Variants in USP49 observed in about 807,000 individuals in gnomAD.
The protein encoded by USP49 is ubiquitin specific peptidase 49.
USP49 carries 24 observed loss-of-function variants against 58.6 expected under a neutral mutation model. That is an observed-to-expected ratio of 0.41 (90% confidence interval 0.30 to 0.58). The LOEUF is 0.58. USP49 is among the 20% of genes least tolerant of loss of function. The probability of loss-of-function intolerance (pLI) is 0.30; values close to 1 mark genes in which losing one functional copy is unlikely to be tolerated. For synonymous variants in USP49, 408 were observed against 365.1 expected, an observed-to-expected ratio of 1.12 and a Z score of -1.34; for missense variants, 703 against 866.1, an observed-to-expected ratio of 0.81 and a Z score of 2.36.
intron 3 of USP49, among the ~76,000 whole-genome samples, chr6:41,808,216 ATAT>A (rs886504408): frequency 6.6e-6 from 1 of 152,138 alleles, no homozygotes; most frequent in Non-Finnish European, 1.5e-5. Context: ...TACTGGTATA[ATAT>A]TTAACCAAAC....
At chr6:41,847,122 T>C (rs531141493) in intron 3 of USP49, among the ~76,000 whole-genome samples, 3 of 152,270 alleles carry the variant, frequency 2.0e-5, no homozygotes, top group Middle Eastern at 3.4e-3. Context: ...CAAGAGATTA[T>C]AAGGCATACA....
chr6:41,821,475 G>C (rs989074993), intron 3 of USP49, among the ~76,000 whole-genome samples: 3 of 152,092 alleles, frequency 2.0e-5, no homozygotes, highest in African/African-American at 4.8e-5. Flanking sequence ...CCCTTTACTG[G>C]GAAAGAAAAG....
chr6:41,816,318 A>G (rs1581999679), intron 3 of USP49, among the ~76,000 whole-genome samples: 1 of 152,190 alleles, frequency 6.6e-6, no homozygotes, highest in East Asian at 1.9e-4. Flanking sequence ...TGTTTTCTCA[A>G]AGGTCACTAG....
intron 7 of USP49, 81 bp downstream of exon 7, chr6:41,798,643 G>A: frequency 1.9e-6 from 3 of 1,607,812 alleles, no homozygotes; most frequent in Non-Finnish European, 2.6e-6. Flanking sequence ...TCCATGGGAT[G>A]GAAATAAAAG....
At chr6:41,828,825 T>TTTTTTTTTTTTTTTGAGACGGAG (rs1561911179) in intron 3 of USP49, among the ~76,000 whole-genome samples, 1 of 151,906 alleles carries the variant, frequency 6.6e-6, no homozygotes. Flanking sequence ...AAGTTTGAAG[T>TTTTTTTTTTTTTTTGAGACGGAG]TTACACTTAG....
At chr6:41,861,365 CCCA>C (rs1422288249) in intron 3 of USP49, among the ~76,000 whole-genome samples, 1 of 151,686 alleles carries the variant, frequency 6.6e-6, no homozygotes, top group Non-Finnish European at 1.5e-5. Context: ...ATCGCTCGAA[CCCA>C]GGAGGCAGAG....
At chr6:41,894,823 G>C (rs1428304190) in intron 1 of USP49, among the ~76,000 whole-genome samples, 5 of 151,848 alleles carry the variant, frequency 3.3e-5, no homozygotes, top group African/African-American at 4.8e-5. Flanking sequence ...TATCTCCTTG[G>C]CTGGCTTTTT....
intron 2 of USP49, among the ~76,000 whole-genome samples, chr6:41,875,631 T>C (rs1327294535): frequency 6.6e-6 from 1 of 152,190 alleles, no homozygotes; most frequent in Non-Finnish European, 1.5e-5. Flanking sequence ...TATTTTCCAC[T>C]ACCCATCCAC....
At chr6:41,829,992 T>C (rs779015788) in intron 3 of USP49, among the ~76,000 whole-genome samples, 2 of 152,258 alleles carry the variant, frequency 1.3e-5, no homozygotes, top group Non-Finnish European at 2.9e-5. Flanking sequence ...TATTTTCTGA[T>C]ATGAAACCAT....
intron 2 of USP49, among the ~76,000 whole-genome samples, chr6:41,889,012 T>G (rs998496203): frequency 2.0e-4 from 31 of 152,078 alleles, no homozygotes; most frequent in Non-Finnish European, 3.1e-4. Context: ...GCAAACTTAT[T>G]TGTATTAATC....
In USP49 at chr6:41,791,572, G is replaced by C. The variant is rs1193559274; in HGVS notation, c.*4961C>G. On this transcript the variant is annotated 3_prime_UTR_variant, in exon 8 of 8. Coordinates refer to ENST00000682992, the MANE Select transcript of USP49 (RefSeq NM_001286554.2). ...CAAAGCAACATTTTCCCCAAGGAAA[G>C]TCAATTTGATATCCTGTCACACTTT... 1 of 152,342 alleles carries C rather than the reference G, an allele frequency of 6.6e-6. No individual in the cohort carries two copies. The highest frequency in any genetic ancestry group is 1.9e-4 in the East Asian group (1 of 5,188). The allele number at this position is 152,342 out of a possible 1,614,324, so 9.4% of individuals were successfully genotyped here. A position where few individuals can be genotyped will look rare whatever the true frequency, so the allele number is the denominator to read the frequency against.
intron 2 of USP49, among the ~76,000 whole-genome samples, chr6:41,886,173 C>A (rs1377893688): frequency 6.6e-6 from 1 of 152,106 alleles, no homozygotes; most frequent in Non-Finnish European, 1.5e-5. Flanking sequence ...CAGTGTATAG[C>A]CATAAGCATC....
Position 41,795,519 on chromosome 6 carries a change from C to T in USP49, c.*1014G>A, listed in dbSNP as rs140294119. On this transcript the variant is annotated 3_prime_UTR_variant, in exon 8 of 8. Coordinates refer to ENST00000682992, the MANE Select transcript of USP49 (RefSeq NM_001286554.2). The stretch of plus-strand genomic sequence containing the variant: ...AAGCAGTTAACATACCCTAGAGAAC[C>T]AAAAGCTCCCAAACCCTGTGAACAT... 7.4e-4 allele frequency: 112 copies of T among 152,278 alleles called. No individual in the cohort carries two copies. Among genetic ancestry groups the T allele is most frequent in the African/African-American group, 2.6e-3 (109 of 41,542 alleles). The allele number at this position is 152,278 out of a possible 1,614,324, so 9.4% of individuals were successfully genotyped here. A position where few individuals can be genotyped will look rare whatever the true frequency, so the allele number is the denominator to read the frequency against.
At chr6:41,838,409 C>A (rs1425971186) in intron 3 of USP49, among the ~76,000 whole-genome samples, 4 of 152,164 alleles carry the variant, frequency 2.6e-5, no homozygotes, top group African/African-American at 9.7e-5. Flanking sequence ...TGCTATTATC[C>A]ATGGCTGGGA....
chr6:41,799,121 G>A (rs1772948575), intron 6 of USP49, among the ~76,000 whole-genome samples, 192 bp from the exon 7 acceptor site: 1 of 127,332 alleles, frequency 7.9e-6, no homozygotes, highest in Non-Finnish European at 1.7e-5. Context: ...TTTATTTTCA[G>A]ACAGGGTCTC....
At chr6:41,802,460 A>ATTTTTTT (rs71545916) in intron 5 of USP49, among the ~76,000 whole-genome samples, 9 of 71,390 alleles carry the variant, frequency 1.3e-4, no homozygotes, top group African/African-American at 4.6e-4. Flanking sequence ...TTATTTATTT[A>ATTTTTTT]TTTATTTATT....
At chr6:41,852,855 G>GT (rs1301089619) in intron 3 of USP49, among the ~76,000 whole-genome samples, 1 of 152,186 alleles carries the variant, frequency 6.6e-6, no homozygotes, top group Admixed American at 6.5e-5. Flanking sequence ...TAAACAAAAT[G>GT]TGGTATACAC....
chr6:41,826,225 C>T (rs754153139), intron 3 of USP49, among the ~76,000 whole-genome samples: 1 of 152,100 alleles, frequency 6.6e-6, no homozygotes, highest in Non-Finnish European at 1.5e-5. Flanking sequence ...TGAGATCGCG[C>T]AACTGCACTC....
At chr6:41,886,756 G>A (rs973819866) in intron 2 of USP49, among the ~76,000 whole-genome samples, 2 of 152,064 alleles carry the variant, frequency 1.3e-5, no homozygotes, top group African/African-American at 2.4e-5. Flanking sequence ...AAAATTAGTC[G>A]GGCGTGGTGG....
Sources: allele counts gnomAD v4.1 joint callset (sites outside exome capture counted in the v4.1 genomes callset), GRCh38; gene constraint gnomAD v4.1.1; transcripts MANE v1.5; gene names NCBI Gene and HGNC (gene_info 2026-07-23, HGNC 2026-07-21).